The following GALM variants were observed in gnomAD, a reference collection of about 807,000 sequenced individuals.
The protein encoded by GALM is aldose 1-epimerase.
In GALM, 43 loss-of-function variants were observed where a neutral mutation model predicts 37.4. That is an observed-to-expected ratio of 1.15 (90% confidence interval 0.90 to 1.48). GALM has a LOEUF of 1.48. Ranked by LOEUF, GALM falls within the 40% of genes most tolerant of loss-of-function variation. The probability of loss-of-function intolerance (pLI) is 0.00; values close to 1 mark genes in which losing one functional copy is unlikely to be tolerated. For synonymous variants in GALM, 199 were observed against 170.6 expected (o/e 1.17, Z -1.30); for missense variants, 456 against 419.1 (o/e 1.09, Z -0.77).
intron 4 of GALM, among the ~76,000 whole-genome samples, chr2:38,728,499 G>C (rs1666531860): frequency 1.3e-5 from 2 of 151,820 alleles, no homozygotes; most frequent in South Asian, 4.1e-4. Flanking sequence ...TTCACGACCA[G>C]CCTGGCCAAC....
chr2:38,711,342 G>A (rs1291420078), intron 4 of GALM, among the ~76,000 whole-genome samples: 1 of 151,952 alleles, frequency 6.6e-6, no homozygotes, highest in African/African-American at 2.4e-5. Flanking sequence ...GTATTTTTTA[G>A]TAGAGACAGG....
Position 38,714,694 on chromosome 2 carries a change from A to C in GALM, c.635-14862A>C, listed in dbSNP as rs187070419. Among the ~76,000 whole-genome samples the C allele has an allele frequency of 2.0e-3, 302 of 152,358 alleles. 2 individuals are homozygous for C. The highest frequency in any genetic ancestry group is 7.1e-3 in the African/African-American group (295 of 41,584). ...AAAAACAGCAAAACTGAAACAAACT[A>C]ACAAATCCCCTCAATATTTGATTTC... On this transcript the variant is annotated intron_variant, in intron 4 of 6. Transcript: ENST00000272252.
chr2:38,729,627 G>T lies in GALM; in HGVS notation c.706G>T (p.Asp236Tyr). ...AGTGGAGCTTGGAAAACACCTGCAG[G>T]ACTTCCATCTCAATGGTTTTGACCA... ...KPVELGKHLQ[D>Y]FHLNGFDHNF... is the part of the protein sequence containing the mutation. Residue 236 changes from aspartate to tyrosine, a missense_variant, in exon 5 of 7, where the codon GAC (aspartate) becomes TAC (tyrosine). Asp to Tyr is a radical substitution (Grantham distance 160). Coordinates refer to ENST00000272252, the MANE Select transcript of GALM (RefSeq NM_138801.3). 6.2e-7 allele frequency: 1 copy of T among 1,613,488 alleles called. No homozygotes were observed. The highest frequency in any genetic ancestry group is 2.2e-5 in the East Asian group (1 of 44,856).
chr2:38,670,755 C>G (rs1424129391), intron 1 of GALM, among the ~76,000 whole-genome samples: 2 of 152,178 alleles, frequency 1.3e-5, no homozygotes, highest in African/African-American at 4.8e-5. Flanking sequence ...TTTTATTTCA[C>G]TTAATTAACA....
At chr2:38,694,975 A>G (rs936240506) in intron 4 of GALM, among the ~76,000 whole-genome samples, 1 of 151,592 alleles carries the variant, frequency 6.6e-6, no homozygotes, top group Non-Finnish European at 1.5e-5. Context: ...GTTGCAGCAT[A>G]TGGTGTTCCT....
chr2:38,673,101 A>C (rs1007970858), intron 1 of GALM, among the ~76,000 whole-genome samples: 1 of 152,250 alleles, frequency 6.6e-6, no homozygotes, highest in Admixed American at 6.5e-5. Flanking sequence ...GAAGCAAACC[A>C]GGAAAGGCCT....
chr2:38,729,763 A>AGCCTTTCCTCTGGC, intron 5 of GALM, 66 bp downstream of exon 5: 1 of 1,370,330 alleles, frequency 7.3e-7, no homozygotes, highest in Non-Finnish European at 1.0e-6. Flanking sequence ...TTTCCTTTGG[A>AGCCTTTCCTCTGGC]GCTTTTCCTC....
chr2:38,711,192 C>T (rs539366745), intron 4 of GALM, among the ~76,000 whole-genome samples: 4 of 145,040 alleles, frequency 2.8e-5, no homozygotes, highest in South Asian at 4.4e-4. Flanking sequence ...CGGAGTCTCG[C>T]TCTGTTGCCC....
chr2:38,729,362 CATTT>C (rs3084495), intron 4 of GALM, among the ~76,000 whole-genome samples, 190 bp from the exon 5 acceptor site: 1 of 150,522 alleles, frequency 6.6e-6, no homozygotes, highest in South Asian at 2.1e-4. Flanking sequence ...TAATTTTTTA[CATTT>C]ATTTATTTAT....
Position 38,666,121 on chromosome 2 carries a change from T to A in GALM, c.-41T>A, listed in dbSNP as rs772731402. ...GCCTCTAGCTTAGCGAGCGCTGGAG[T>A]TTGAAGAGCGGGCAGTGGCTGCACA... On this transcript the variant is annotated 5_prime_UTR_variant, in exon 1 of 7. Coordinates refer to ENST00000272252, the MANE Select transcript of GALM (RefSeq NM_138801.3). The A allele has an allele frequency of 2.5e-6, 4 of 1,570,432 alleles. No individual in the cohort carries two copies. The highest frequency in any genetic ancestry group is 2.3e-5 in the East Asian group (1 of 44,080).
chr2:38,669,539 C>T (rs1285252558), intron 1 of GALM: 1 of 152,208 alleles, frequency 6.6e-6, no homozygotes, highest in African/African-American at 2.4e-5. Context: ...CTACAACAGC[C>T]TAGAAAAATC....
chr2:38,671,794 C>T (rs1665110919), intron 1 of GALM, among the ~76,000 whole-genome samples: 1 of 152,034 alleles, frequency 6.6e-6, no homozygotes, highest in South Asian at 2.1e-4. Flanking sequence ...GAGTTCAAGA[C>T]CAGCCTGGGC....
At chr2:38,673,121 G>A (rs1468097146) in intron 1 of GALM, among the ~76,000 whole-genome samples, 1 of 152,152 alleles carries the variant, frequency 6.6e-6, no homozygotes, top group Non-Finnish European at 1.5e-5. Context: ...TGGAAGAGAA[G>A]GATTAATGTT....
intron 1 of GALM, chr2:38,668,830 G>A (rs544641836): frequency 6.6e-6 from 1 of 151,876 alleles, no homozygotes; most frequent in African/African-American, 2.4e-5. Flanking sequence ...TTAAATACTT[G>A]ACAGAATAAG....
chr2:38,732,412 A>G (rs376641541), intron 6 of GALM, among the ~76,000 whole-genome samples: 3 of 152,220 alleles, frequency 2.0e-5, no homozygotes, highest in Admixed American at 6.5e-5. Flanking sequence ...TAGCCAAGCT[A>G]CTAACATGGG....
chr2:38,725,545 CACAT>C (rs1666468783), intron 4 of GALM, among the ~76,000 whole-genome samples: 1 of 129,734 alleles, frequency 7.7e-6, no homozygotes, highest in African/African-American at 3.0e-5. Context: ...CTTAAACACA[CACAT>C]ACACACACAC....
intron 4 of GALM, among the ~76,000 whole-genome samples, chr2:38,720,694 G>A (rs892033232): frequency 1.3e-5 from 2 of 152,202 alleles, no homozygotes; most frequent in African/African-American, 4.8e-5. Flanking sequence ...TTAGAACAGG[G>A]CTGGAATCAT....
chr2:38,682,535 C>T (rs1441395927), intron 3 of GALM, among the ~76,000 whole-genome samples: 3 of 152,176 alleles, frequency 2.0e-5, no homozygotes, highest in African/African-American at 7.2e-5. Context: ...AAAGTTCTCC[C>T]TTTAAAAAAG....
chr2:38,732,159 C>T (rs1558600081), intron 6 of GALM, among the ~76,000 whole-genome samples: 1 of 152,250 alleles, frequency 6.6e-6, no homozygotes, highest in East Asian at 1.9e-4. Flanking sequence ...TGGGTCCAAG[C>T]GATTCTCCTG....
Sources: gnomAD v4.1 joint callset for allele counts (sites outside exome capture counted in the v4.1 genomes callset) on GRCh38, gnomAD v4.1.1 for gene constraint, MANE v1.5 for transcripts, NCBI Gene and HGNC (gene_info 2026-07-23, HGNC 2026-07-21) for gene names.